The following PRDM6 variants were observed in gnomAD, a reference collection of about 807,000 sequenced individuals.
PRDM6 encodes putative histone-lysine N-methyltransferase PRDM6.
In PRDM6, 25 loss-of-function variants were observed where a neutral mutation model predicts 60.8. The observed-to-expected ratio is 0.41, with a 90% CI of 0.30 to 0.57. The LOEUF (loss-of-function observed/expected upper bound fraction) is 0.57. Among genes scored for constraint, PRDM6 ranks in the 20% least tolerant of loss-of-function variants. The pLI, the probability that PRDM6 is intolerant of heterozygous loss-of-function variation, is 0.27. For synonymous variants in PRDM6, 407 were observed against 357.4 expected (o/e 1.14, Z -1.57); for missense variants, 839 against 821.3 (o/e 1.02, Z -0.26).
chr5:123,102,711 A>T (rs1332447196), intron 3 of PRDM6, among the ~76,000 whole-genome samples: 1 of 152,096 alleles, frequency 6.6e-6, no homozygotes, highest in Non-Finnish European at 1.5e-5. Context: ...TTTTCAAGTC[A>T]TTTGCTGATG....
chr5:123,129,202 C>T (rs1764763853), intron 3 of PRDM6, among the ~76,000 whole-genome samples: 1 of 152,158 alleles, frequency 6.6e-6, no homozygotes, highest in Non-Finnish European at 1.5e-5. Flanking sequence ...TAGCATGATG[C>T]CTCCAGCTTT....
chr5:123,143,148 A>T (rs10058116), intron 3 of PRDM6, among the ~76,000 whole-genome samples: 13,567 of 145,982 alleles, frequency 0.093, 841 homozygotes, highest in South Asian at 0.16. Context: ...TAGTTTTTAA[A>T]GTGTGTGTGT....
chr5:123,187,023 G>A (rs1766303085), intron 7 of PRDM6, 64 bp from the exon 8 acceptor site: 1 of 1,187,650 alleles, frequency 8.4e-7, no homozygotes, highest in South Asian at 1.3e-5. Context: ...GGCAGGATGA[G>A]AGGAAGCCCA....
At chr5:123,136,793 A>AT (rs1200079880) in intron 3 of PRDM6, among the ~76,000 whole-genome samples, 1 of 152,088 alleles carries the variant, frequency 6.6e-6, no homozygotes, top group East Asian at 1.9e-4. Flanking sequence ...TTTACTTTCC[A>AT]TATTACTTTC....
chr5:123,148,140 G>T (rs562878888), intron 3 of PRDM6, among the ~76,000 whole-genome samples: 1 of 152,160 alleles, frequency 6.6e-6, no homozygotes, highest in East Asian at 1.9e-4. Context: ...TTTCAGTCTT[G>T]ACTTATATGT....
chr5:123,186,910 G>A (rs1432199637), intron 7 of PRDM6, among the ~76,000 whole-genome samples, 177 bp from the exon 8 acceptor site: 2 of 152,172 alleles, frequency 1.3e-5, no homozygotes, highest in African/African-American at 2.4e-5. Flanking sequence ...TGCATCAGAC[G>A]GGCTTTGTCC....
chr5:123,175,188 G>A (rs1765977511), intron 6 of PRDM6, among the ~76,000 whole-genome samples: 1 of 152,202 alleles, frequency 6.6e-6, no homozygotes, highest in Non-Finnish European at 1.5e-5. Flanking sequence ...TTTCTGACAA[G>A]TATGTTCTCT....
At chr5:123,134,411 T>C (rs572701622) in intron 3 of PRDM6, among the ~76,000 whole-genome samples, 5 of 152,272 alleles carry the variant, frequency 3.3e-5, no homozygotes, top group African/African-American at 1.2e-4. Flanking sequence ...AAACTGTATA[T>C]GTTAATTTCA....
At position 123,189,307 on chromosome 5, in the gene PRDM6, T is replaced by A. The variant is rs1044613766; in HGVS notation, c.*2106T>A. ...TTAAGGTTGAAAGATTTACTCAAAC[T>A]TTTTGAAAACAACAGTAGGGAATCA... is the stretch of plus-strand genomic sequence containing the variant. On this transcript the variant is annotated 3_prime_UTR_variant, in exon 8 of 8. Transcript: ENST00000407847. 2 of 152,206 alleles carry A rather than the reference T, an allele frequency of 1.3e-5. No individual in the cohort carries two copies. Among genetic ancestry groups the A allele is most frequent in the African/African-American group, 4.8e-5 (2 of 41,450 alleles). The allele number at this position is 152,206 out of a possible 1,614,324, so 9.4% of individuals were successfully genotyped here.
At chr5:123,163,696 G>A (rs1047544518) in intron 5 of PRDM6, among the ~76,000 whole-genome samples, 5 of 152,198 alleles carry the variant, frequency 3.3e-5, no homozygotes, top group African/African-American at 1.2e-4. Flanking sequence ...AAAGCTTCCA[G>A]TGGGGGATTA....
At chr5:123,175,104 C>CA (rs1298310466) in intron 6 of PRDM6, among the ~76,000 whole-genome samples, 3 of 152,062 alleles carry the variant, frequency 2.0e-5, no homozygotes, top group Non-Finnish European at 2.9e-5. Context: ...TCAGCACTCC[C>CA]ATTGGGGGCA....
At position 123,170,878 on chromosome 5, in the gene PRDM6, C is replaced by G; in HGVS notation, c.1266C>G (p.Pro422=). Residue 422 remains proline (P), a synonymous_variant, in exon 6 of 8, where the codon CCC becomes CCG. Coordinates refer to ENST00000407847, the MANE Select transcript of PRDM6 (RefSeq NM_001136239.4). The part of the protein sequence containing the change: ...PTTQQRSVVF[P]QTPCSRNFSL... ...CCCAGCAGCGCTCCGTTGTTTTCCC[C>G]CAGACTCCGTGCAGCAGGAACTTCT... 1.3e-6 allele frequency: 2 copies of G among 1,552,264 alleles called. No individual in the cohort carries two copies. Among genetic ancestry groups the G allele is most frequent in the African/African-American group, 1.4e-5 (1 of 73,160 alleles).
chr5:123,157,657 C>G (rs1259622617), intron 4 of PRDM6, among the ~76,000 whole-genome samples: 1 of 152,140 alleles, frequency 6.6e-6, no homozygotes, highest in Non-Finnish European at 1.5e-5. Context: ...GTGACCACGT[C>G]CAAGAGTAAG....
At chr5:123,145,296 G>A (rs1447226740) in intron 3 of PRDM6, among the ~76,000 whole-genome samples, 1 of 152,170 alleles carries the variant, frequency 6.6e-6, no homozygotes, top group Non-Finnish European at 1.5e-5. Flanking sequence ...CTTATGATTT[G>A]TTTTACATGT....
At chr5:123,144,476 G>A (rs180730284) in intron 3 of PRDM6, among the ~76,000 whole-genome samples, 1 of 152,302 alleles carries the variant, frequency 6.6e-6, no homozygotes, top group East Asian at 1.9e-4. Flanking sequence ...CCTTATGAGA[G>A]GAGAACTGGG....
chr5:123,177,113 TTTCCTAAGC>T (rs1187954556), intron 6 of PRDM6, among the ~76,000 whole-genome samples: 1 of 152,218 alleles, frequency 6.6e-6, no homozygotes, highest in Non-Finnish European at 1.5e-5. Flanking sequence ...GATGAAAATG[TTTCCTAAGC>T]TCTGCTGTTG....
Position 123,136,428 on chromosome 5 carries a change from C to T in PRDM6, c.901-19456C>T, listed in dbSNP as rs150938044. ...CAGACTGTTTTGCAAAGTAGACACCCGAGAGGCTAAAGTGTTTTTCACTGT... is the reference window on the plus strand; with the variant it reads ...CAGACTGTTTTGCAAAGTAGACACCTGAGAGGCTAAAGTGTTTTTCACTGT... On this transcript the variant is annotated intron_variant, in intron 3 of 7. Coordinates refer to ENST00000407847, the MANE Select transcript of PRDM6 (RefSeq NM_001136239.4). Among the ~76,000 whole-genome samples, 81 of 152,058 alleles carry T rather than the reference C, an allele frequency of 5.3e-4. No homozygotes were observed. The South Asian group carries it at 0.016, about 30-fold the overall frequency.
rs1766114539 is a variant in PRDM6 at position 123,180,192 on chromosome 5, A to C, written c.1542A>C (p.Ser514=). 4 of 1,552,118 alleles carry C rather than the reference A, an allele frequency of 2.6e-6. No homozygotes were observed. In the East Asian group the frequency reaches 9.8e-5, roughly 38 times the overall value. ...GCTCCCAGTCCTTTTCCCAGCCTTC[A>C]GAACTGAGGAACCACGTGGTCACTC... ...GHCSQSFSQP[S]ELRNHVVTHS... Residue 514 remains serine, a synonymous_variant, in exon 7 of 8, where the codon TCA becomes TCC. Transcript: ENST00000407847.
At chr5:123,133,397 A>G (rs1241975501) in intron 3 of PRDM6, among the ~76,000 whole-genome samples, 2 of 151,956 alleles carry the variant, frequency 1.3e-5, no homozygotes, top group Non-Finnish European at 2.9e-5. Flanking sequence ...GAAAGCTTCC[A>G]TCATAGGAAG....
Sources: gnomAD v4.1 joint callset for allele counts (sites outside exome capture counted in the v4.1 genomes callset) on GRCh38, gnomAD v4.1.1 for gene constraint, MANE v1.5 for transcripts, NCBI Gene and HGNC (gene_info 2026-07-23, HGNC 2026-07-21) for gene names.